Variants in ADGRV1 observed in about 807,000 individuals in gnomAD.
The protein encoded by ADGRV1 is adhesion G protein-coupled receptor V1, also known as G-protein coupled receptor 98.
ADGRV1 carries 359 observed loss-of-function variants against 596.2 expected under a neutral mutation model. The observed-to-expected ratio is 0.60, with a 90% CI of 0.55 to 0.66. The LOEUF (loss-of-function observed/expected upper bound fraction) is 0.66, where lower values mean the gene tolerates loss of function less well. ADGRV1 is among the 30% of genes least tolerant of loss of function. The pLI, the probability that ADGRV1 is intolerant of heterozygous loss-of-function variation, is 0.00. For synonymous variants in ADGRV1, 2,681 were observed against 2,679.2 expected (o/e 1.00, Z -0.02); for missense variants, 7,274 against 7,575.6 (o/e 0.96, Z 1.48).
chr5:90,745,586 G>A lies in ADGRV1; in HGVS notation c.10770-5G>A, dbSNP rs1426548290. ...GACTTATTTTGTATATGCTTCTTAT[G>A]GTAGTTCAGGTGAACTGATATTTGA... On this transcript the variant is annotated splice_polypyrimidine_tract_variant and splice_region_variant and intron_variant, in intron 51 of 89. Coordinates refer to ENST00000405460, the MANE Select transcript of ADGRV1 (RefSeq NM_032119.4). The A allele has an allele frequency of 1.3e-6, 2 of 1,596,178 alleles. No individual in the cohort carries two copies. Among genetic ancestry groups the A allele is most frequent in the South Asian group, 1.1e-5 (1 of 90,042 alleles).
Position 90,708,882 on chromosome 5 carries a change from G to A in ADGRV1, c.8797G>A (p.Ala2933Thr), listed in dbSNP as rs868178705. The change falls in exon 39 of 90, where the codon GCT becomes ACT. Residue 2933 changes from alanine (A) to threonine (T), a missense_variant. Physicochemically the swap from Ala to Thr is moderately conservative, Grantham distance 58. This residue lies in a region of ADGRV1 where 3,643 missense variants were observed against 3,809.2 expected (regional missense o/e 0.96). Coordinates refer to ENST00000405460, the MANE Select transcript of ADGRV1 (RefSeq NM_032119.4). ...AACTTACGTTGGACTTACCATGGCT[G>A]CTTCAACTTCATTTCCTCCCAGACT... ...NLTYVGLTMA[A>T]STSFPPRLDS... 2 of 1,611,436 alleles carry A rather than the reference G, an allele frequency of 1.2e-6. No homozygotes were observed. The highest frequency in any genetic ancestry group is 3.3e-5 in the Admixed American group (2 of 59,906).
chr5:90,667,016 C>T (rs577985431), intron 21 of ADGRV1, among the ~76,000 whole-genome samples: 1 of 152,014 alleles, frequency 6.6e-6, no homozygotes, highest in Non-Finnish European at 1.5e-5. Flanking sequence ...GAGGGTAACC[C>T]GACCTTTCTC....
At chr5:90,978,156 A>G (rs1051004757) in intron 84 of ADGRV1, among the ~76,000 whole-genome samples, 6 of 152,084 alleles carry the variant, frequency 3.9e-5, no homozygotes, top group East Asian at 1.9e-4. Context: ...TTAGCCAGGC[A>G]TGGTGGCAGG....
Position 90,810,560 on chromosome 5 carries a change from G to A in ADGRV1, c.15300G>A (p.Arg5100=), listed in dbSNP as rs774978203. The change falls in exon 74 of 90, where the codon AGG becomes AGA. Residue 5100 remains arginine (R), a synonymous_variant. Transcript: ENST00000405460. The stretch of plus-strand genomic sequence containing the variant: ...TTAACCTTACTTCAGTAGAAATTAG[G>A]GGATTACAAAAGTTTGATGTTAATT... ...FYINLTSVEI[R]GLQKFDVNWS... is the part of the protein sequence containing the mutation. The A allele has an allele frequency of 2.0e-5, 32 of 1,613,658 alleles. No individual in the cohort carries two copies. The East Asian group carries it at 6.9e-4, about 35-fold the overall frequency.
chr5:91,078,910 G>A (rs528600989), intron 86 of ADGRV1, among the ~76,000 whole-genome samples: 1 of 152,162 alleles, frequency 6.6e-6, no homozygotes, highest in Admixed American at 6.5e-5. Flanking sequence ...ACATTCTGGT[G>A]TTTCAATATC....
intron 73 of ADGRV1, 133 bp from the exon 74 acceptor site, chr5:90,810,100 A>G: frequency 1.4e-6 from 1 of 713,398 alleles, no homozygotes; most frequent in South Asian, 2.1e-5. Flanking sequence ...GTTTGATGGA[A>G]TTTGAAATGG....
intron 5 of ADGRV1, among the ~76,000 whole-genome samples, chr5:90,623,504 T>C (rs1257209293): frequency 1.3e-5 from 2 of 152,168 alleles, no homozygotes; most frequent in Admixed American, 1.3e-4. Flanking sequence ...CTCAACCTCC[T>C]GGGCTCATGC....
chr5:91,141,704 A>C (rs1795114755), intron 87 of ADGRV1, among the ~76,000 whole-genome samples: 1 of 152,242 alleles, frequency 6.6e-6, no homozygotes, highest in African/African-American at 2.4e-5. Context: ...TCACTGGCAC[A>C]ATATCCGTTA....
chr5:90,734,331 C>T (rs1184354193), intron 50 of ADGRV1, among the ~76,000 whole-genome samples: 1 of 152,162 alleles, frequency 6.6e-6, no homozygotes. Flanking sequence ...GTTGGGGGAA[C>T]CTCCATACCA....
At chr5:90,931,653 G>A (rs1775263231) in intron 83 of ADGRV1, among the ~76,000 whole-genome samples, 1 of 152,120 alleles carries the variant, frequency 6.6e-6, no homozygotes, top group African/African-American at 2.4e-5. Context: ...ATGGAAAACA[G>A]CATAATTCAA....
At chr5:90,689,139 G>T (rs752320808) in intron 29 of ADGRV1, among the ~76,000 whole-genome samples, 4 of 152,002 alleles carry the variant, frequency 2.6e-5, no homozygotes, top group Non-Finnish European at 5.9e-5. Flanking sequence ...AAATCATCTG[G>T]CCATAATACT....
Position 90,614,854 on chromosome 5 carries a change from A to G in ADGRV1, c.42A>G (p.Leu14=), listed in dbSNP as rs1317303355. The change falls in exon 2 of 90, where the codon TTA becomes TTG. Residue 14 remains leucine (L), a synonymous_variant. Transcript: ENST00000405460. The part of the protein sequence containing the change: ...FLGPGMPSAS[L]LVNLLSALLI... ...TTTTAGGGATGCCCTCTGCATCTTTATTAGTAAATCTTCTTTCAGCTTTAC... is the reference window on the plus strand; with the variant it reads ...TTTTAGGGATGCCCTCTGCATCTTTGTTAGTAAATCTTCTTTCAGCTTTAC... 2 of 1,610,002 alleles carry G rather than the reference A, an allele frequency of 1.2e-6. No individual in the cohort carries two copies. Among genetic ancestry groups the G allele is most frequent in the South Asian group, 1.1e-5 (1 of 90,688 alleles).
chr5:90,944,670 T>C (rs968143791), intron 83 of ADGRV1, among the ~76,000 whole-genome samples: 3 of 152,190 alleles, frequency 2.0e-5, no homozygotes, highest in African/African-American at 7.2e-5. Context: ...CATAGGAGTA[T>C]AATATAACTC....
intron 68 of ADGRV1, among the ~76,000 whole-genome samples, chr5:90,788,998 A>C (rs2150126956): frequency 6.6e-6 from 1 of 152,280 alleles, no homozygotes; most frequent in South Asian, 2.1e-4. Flanking sequence ...GCTGGCAGGA[A>C]GGAAACTCAG....
Position 90,720,923 on chromosome 5 carries a change from T to C in ADGRV1, c.9624-12T>C, listed in dbSNP as rs1205374682. 1 of 1,599,796 alleles carries C rather than the reference T, an allele frequency of 6.3e-7. No individual in the cohort carries two copies. The highest frequency in any genetic ancestry group is 8.5e-7 in the Non-Finnish European group (1 of 1,172,490). On this transcript the variant is annotated splice_polypyrimidine_tract_variant and intron_variant, in intron 44 of 89. Transcript: ENST00000405460. Reference sequence around the variant, plus strand: ...CTTTTTCTGCTTCCCTCAATCCATGTATTTCTTTCAGAGCCACCTCCATAG... The same window carrying C: ...CTTTTTCTGCTTCCCTCAATCCATGCATTTCTTTCAGAGCCACCTCCATAG...
chr5:90,795,027 C>T (rs972974334), intron 70 of ADGRV1, among the ~76,000 whole-genome samples: 1 of 151,706 alleles, frequency 6.6e-6, no homozygotes, highest in South Asian at 2.1e-4. Flanking sequence ...CACCAGGGCC[C>T]TGGGTTTCAA....
chr5:90,828,916 G>GTTTTTTTTTTTTTTTTTTTTT, intron 76 of ADGRV1, 28 bp from the exon 77 acceptor site: 1 of 1,440,850 alleles, frequency 6.9e-7, no homozygotes. Flanking sequence ...AGTAATAGTT[G>GTTTTTTTTTTTTTTTTTTTTT]TTTTTTTTTC....
intron 85 of ADGRV1, among the ~76,000 whole-genome samples, chr5:91,033,748 C>T (rs62376466): frequency 1.1e-3 from 169 of 152,146 alleles, no homozygotes; most frequent in Non-Finnish European, 2.0e-3. Context: ...ATTTATGATT[C>T]CAAATTTTGA....
intron 1 of ADGRV1, among the ~76,000 whole-genome samples, chr5:90,567,894 C>T (rs1445868704): frequency 6.6e-6 from 1 of 152,036 alleles, no homozygotes; most frequent in Non-Finnish European, 1.5e-5. Context: ...CACCTGCCAC[C>T]ACGCCCAGCT....
Sources: gnomAD v4.1 joint callset for allele counts (sites outside exome capture counted in the v4.1 genomes callset) on GRCh38, gnomAD v4.1.1 for gene constraint, gnomAD v4.1.1 regional missense constraint, MANE v1.5 for transcripts, NCBI Gene and HGNC (gene_info 2026-07-23, HGNC 2026-07-21) for gene names.